Variants in GPC6 observed in about 807,000 individuals in gnomAD.
GPC6 encodes glypican 6, also known as glypican-6.
In GPC6, 14 loss-of-function variants were observed where a neutral mutation model predicts 55.2. The observed-to-expected ratio is 0.25, with a 90% CI of 0.17 to 0.40. The LOEUF is 0.40. Among genes scored for constraint, GPC6 ranks in the 10% least tolerant of loss-of-function variants. GPC6 has a pLI of 1.00. For missense variants in GPC6, 641 were observed against 708.5 expected (o/e 0.90, Z 1.08); for synonymous variants, 278 against 259.6 (o/e 1.07, Z -0.68).
chr13:93,433,275 C>A (rs891030428), intron 1 of GPC6, among the ~76,000 whole-genome samples: 2 of 152,040 alleles, frequency 1.3e-5, no homozygotes, highest in African/African-American at 4.8e-5. Context: ...TATGAATTAC[C>A]CCTGCTGGTG....
intron 2 of GPC6, among the ~76,000 whole-genome samples, chr13:93,772,246 A>G (rs901194788): frequency 6.6e-6 from 1 of 152,192 alleles, no homozygotes; most frequent in Admixed American, 6.6e-5. Context: ...GTTCATATCT[A>G]TGAAGATATC....
intron 2 of GPC6, among the ~76,000 whole-genome samples, chr13:93,694,077 A>C (rs1882358936): frequency 6.6e-6 from 1 of 152,194 alleles, no homozygotes; most frequent in Non-Finnish European, 1.5e-5. Flanking sequence ...ATCATTTATG[A>C]AGGAGAAACA....
intron 3 of GPC6, among the ~76,000 whole-genome samples, chr13:93,976,138 A>G (rs1450049695): frequency 6.6e-6 from 1 of 152,148 alleles, no homozygotes. Context: ...GACAGTTCAC[A>G]TGCATCCAAC....
chr13:93,595,158 A>G lies in GPC6; in HGVS notation c.319+49737A>G, dbSNP rs12584259. Among the ~76,000 whole-genome samples, 343 of 152,322 alleles carry G rather than the reference A, an allele frequency of 2.3e-3. 9 individuals are homozygous for G. In the East Asian group the frequency reaches 0.056, roughly 25 times the overall value. ...GAATCTTTTTAAATTTATATTATAG[A>G]TATTAAACCTGATAGTTAAATTTGT... On this transcript the variant is annotated intron_variant, in intron 2 of 8. Coordinates refer to ENST00000377047, the MANE Select transcript of GPC6 (RefSeq NM_005708.5).
intron 1 of GPC6, among the ~76,000 whole-genome samples, chr13:93,322,554 A>G (rs908204725): frequency 6.8e-6 from 1 of 146,272 alleles, no homozygotes; most frequent in African/African-American, 2.6e-5. Flanking sequence ...CTCCTGCCTC[A>G]GCCTTCCCAG....
At chr13:93,231,341 A>ACG (rs201400348) in intron 1 of GPC6, among the ~76,000 whole-genome samples, 16 of 74,798 alleles carry the variant, frequency 2.1e-4, no homozygotes, top group African/African-American at 1.1e-3. Flanking sequence ...GTATATATAT[A>ACG]TATACATATA....
At chr13:93,789,507 C>A (rs865897299) in intron 2 of GPC6, among the ~76,000 whole-genome samples, 2,665 of 89,896 alleles carry the variant, frequency 0.03, 80 homozygotes, top group East Asian at 0.13. Flanking sequence ...CTCTCTCTCT[C>A]TCTATATATA....
At chr13:94,298,288 A>G (rs1030348838) in intron 5 of GPC6, among the ~76,000 whole-genome samples, 5 of 152,208 alleles carry the variant, frequency 3.3e-5, no homozygotes, top group South Asian at 4.1e-4. Context: ...ACATATTTCA[A>G]CTAATTCTGA....
intron 2 of GPC6, among the ~76,000 whole-genome samples, chr13:93,635,942 A>G (rs7999773): frequency 1.4e-3 from 218 of 152,180 alleles, no homozygotes; most frequent in African/African-American, 5.1e-3. Context: ...ACATTGACTA[A>G]TCTAACTACT....
rs1402167815 is a variant in GPC6, at chr13:93,310,953, ATGAGGACTTTTATC to A, written c.160+83341_160+83354del. ...AAATCCTTTTACAGTTTATACTATA[ATGAGGACTTTTATC>A]TGATGAAAAAATATTGAGTAGGTAG... On this transcript the variant is annotated intron_variant, in intron 1 of 8. Coordinates refer to ENST00000377047, the MANE Select transcript of GPC6 (RefSeq NM_005708.5). Among the ~76,000 whole-genome samples, 11 of 152,336 alleles carry A rather than the reference ATGAGGACTTTTATC, an allele frequency of 7.2e-5. 1 individual carries two copies. The East Asian group carries it at 2.1e-3, about 29-fold the overall frequency.
chr13:94,232,940 C>T (rs1890775199), intron 4 of GPC6, among the ~76,000 whole-genome samples: 1 of 144,528 alleles, frequency 6.9e-6, no homozygotes, highest in Non-Finnish European at 1.5e-5. Flanking sequence ...ATGTAAATGT[C>T]ACATTTTAAA....
chr13:93,617,084 C>T (rs577131495), intron 2 of GPC6, among the ~76,000 whole-genome samples: 3 of 152,098 alleles, frequency 2.0e-5, no homozygotes, highest in South Asian at 2.1e-4. Flanking sequence ...TATATTTAGG[C>T]CACACCAGAA....
At chr13:93,719,352 A>G (rs890695716) in intron 2 of GPC6, among the ~76,000 whole-genome samples, 3 of 152,052 alleles carry the variant, frequency 2.0e-5, no homozygotes, top group Admixed American at 6.6e-5. Flanking sequence ...GCAATTGAGA[A>G]TGGGAGTTCA....
chr13:93,404,703 T>C (rs1283535234), intron 1 of GPC6, among the ~76,000 whole-genome samples: 1 of 152,198 alleles, frequency 6.6e-6, no homozygotes, highest in Non-Finnish European at 1.5e-5. Flanking sequence ...TCAAATTGTC[T>C]TTCTTACGGA....
intron 3 of GPC6, among the ~76,000 whole-genome samples, chr13:93,945,411 G>A (rs1309489431): frequency 6.6e-6 from 1 of 152,188 alleles, no homozygotes; most frequent in African/African-American, 2.4e-5. Context: ...GTCAGGAAGA[G>A]CAGAGGGAGA....
At chr13:93,555,633 C>T (rs576663580) in intron 2 of GPC6, among the ~76,000 whole-genome samples, 15 of 152,232 alleles carry the variant, frequency 9.9e-5, no homozygotes, top group Admixed American at 5.2e-4. Flanking sequence ...AGTGCCTTTA[C>T]TTAGAGTAAA....
At chr13:94,379,849 C>T (rs932921455) in intron 6 of GPC6, among the ~76,000 whole-genome samples, 2 of 152,118 alleles carry the variant, frequency 1.3e-5, no homozygotes, top group African/African-American at 4.8e-5. Context: ...CAACAAAAAG[C>T]ATGTTGTCTA....
chr13:94,266,440 T>C (rs1412326828), intron 4 of GPC6, among the ~76,000 whole-genome samples: 2 of 152,276 alleles, frequency 1.3e-5, no homozygotes, highest in East Asian at 3.9e-4. Context: ...AGTGCTGGGA[T>C]TACAGGCGTG....
chr13:93,293,304 G>A (rs1437102521), intron 1 of GPC6, among the ~76,000 whole-genome samples: 1 of 152,024 alleles, frequency 6.6e-6, no homozygotes, highest in African/African-American at 2.4e-5. Flanking sequence ...CTCATATAGT[G>A]TTTGGGAAAC....
Sources: gnomAD v4.1 joint callset for allele counts (sites outside exome capture counted in the v4.1 genomes callset) on GRCh38, gnomAD v4.1.1 for gene constraint, MANE v1.5 for transcripts, NCBI Gene and HGNC (gene_info 2026-07-23, HGNC 2026-07-21) for gene names.